The following RALGAPA1 variants were observed in gnomAD, a reference collection of about 807,000 sequenced individuals.
The protein encoded by RALGAPA1 is Ral GTPase activating protein catalytic subunit alpha 1.
A neutral mutation model predicts 269.6 loss-of-function variants in RALGAPA1; 52 were observed. That is an observed-to-expected ratio of 0.19 (90% CI 0.15 to 0.24). The LOEUF (loss-of-function observed/expected upper bound fraction) is 0.24, where lower values mean the gene tolerates loss of function less well. Ranked by LOEUF, RALGAPA1 falls within the 10% of genes least tolerant of loss-of-function variation. RALGAPA1 has a pLI of 1.00. For missense variants in RALGAPA1, 1,917 were observed against 3,013.9 expected, an observed-to-expected ratio of 0.64 and a Z score of 8.52; for synonymous variants, 817 against 1,008.3, an observed-to-expected ratio of 0.81 and a Z score of 3.60.
Position 35,605,719 on chromosome 14 carries a change from A to C in RALGAPA1, c.6930-10T>G, listed in dbSNP as rs1452847626. 1.9e-6 allele frequency: 3 copies of C among 1,603,624 alleles called. No homozygotes were observed. Among genetic ancestry groups the C allele is most frequent in the Non-Finnish European group, 2.5e-6 (3 of 1,177,426 alleles). ...CTTGTGTGTCTCTCGGCTATAAAAC[A>C]AAAGATTACACCATTAATTTAATCA... is the stretch of plus-strand genomic sequence containing the variant. On this transcript the variant is annotated splice_polypyrimidine_tract_variant and intron_variant, in intron 35 of 41. Coordinates refer to ENST00000680220, the MANE Select transcript of RALGAPA1 (RefSeq NM_001346249.2).
intron 12 of RALGAPA1, among the ~76,000 whole-genome samples, chr14:35,733,882 A>G (rs1245633584): frequency 2.0e-5 from 3 of 152,154 alleles, no homozygotes; most frequent in Non-Finnish European, 4.4e-5. Context: ...AACAGGAGAT[A>G]CACCAACAGC....
At chr14:35,641,199 C>T (rs1471539288) in intron 31 of RALGAPA1, among the ~76,000 whole-genome samples, 1 of 152,136 alleles carries the variant, frequency 6.6e-6, no homozygotes, top group Admixed American at 6.6e-5. Context: ...AAGGTGTCCA[C>T]TTCCACCACT....
intron 39 of RALGAPA1, among the ~76,000 whole-genome samples, chr14:35,570,401 A>C (rs1306020477): frequency 6.6e-6 from 1 of 152,144 alleles, no homozygotes; most frequent in Non-Finnish European, 1.5e-5. Context: ...TCACACCTGT[A>C]ATCTCAGCAC....
intron 1 of RALGAPA1, among the ~76,000 whole-genome samples, chr14:35,785,759 A>C (rs890001907): frequency 6.6e-6 from 1 of 152,220 alleles, no homozygotes; most frequent in African/African-American, 2.4e-5. Context: ...AGTACTGTCA[A>C]GCTGAGATGA....
intron 1 of RALGAPA1, among the ~76,000 whole-genome samples, chr14:35,781,479 A>T (rs1297318116): frequency 6.6e-6 from 1 of 152,192 alleles, no homozygotes; most frequent in Admixed American, 6.6e-5. Flanking sequence ...CAATATTCTC[A>T]TATGAAAATC....
intron 35 of RALGAPA1, among the ~76,000 whole-genome samples, chr14:35,607,599 T>G (rs1460109459): frequency 6.6e-6 from 1 of 152,166 alleles, no homozygotes; most frequent in Admixed American, 6.5e-5. Context: ...AGTGCTGACT[T>G]GTAGAGTGAC....
In RALGAPA1 at chr14:35,689,976, C is replaced by T. The variant is rs778927449; in HGVS notation, c.2435G>A (p.Arg812His). Residue 812 changes from arginine to histidine, a missense_variant, in exon 18 of 42, where the codon CGC becomes CAC. Physicochemically the swap from Arg to His is conservative, Grantham distance 29 (BLOSUM62 0). Transcript: ENST00000680220. The part of the protein sequence containing the change: ...SDIDDAQILP[R>H]STRVRHFSQS... Reference sequence around the variant, plus strand: ...TGAAAAATGTCTGACTCTAGTTGAGCGGGGAAGTATTTGAGCATCATCAAT... The same window carrying T: ...TGAAAAATGTCTGACTCTAGTTGAGTGGGGAAGTATTTGAGCATCATCAAT... The T allele has an allele frequency of 6.8e-5, 108 of 1,587,126 alleles. No homozygotes were observed. Among genetic ancestry groups the T allele is most frequent in the Middle Eastern group, 1.7e-4 (1 of 5,956 alleles).
intron 23 of RALGAPA1, 78 bp downstream of exon 23, chr14:35,674,438 C>T (rs1189369610): frequency 2.6e-5 from 36 of 1,378,458 alleles, no homozygotes; most frequent in Non-Finnish European, 3.5e-5. Context: ...AAGGGTGTCA[C>T]AAATGTTTTC....
intron 12 of RALGAPA1, among the ~76,000 whole-genome samples, chr14:35,732,132 A>C (rs770400895): frequency 3.0e-4 from 46 of 152,164 alleles, no homozygotes; most frequent in Non-Finnish European, 2.6e-4. Context: ...TATCCAGCAA[A>C]ACTAAGCATC....
intron 4 of RALGAPA1, chr14:35,766,521 T>A: frequency 8.7e-7 from 1 of 1,155,232 alleles, no homozygotes; most frequent in Non-Finnish European, 1.3e-6. Flanking sequence ...CTACCATCTA[T>A]TGTGCACATC....
chr14:35,653,948 C>G (rs530918594), intron 30 of RALGAPA1, among the ~76,000 whole-genome samples: 1 of 152,148 alleles, frequency 6.6e-6, no homozygotes, highest in East Asian at 1.9e-4. Flanking sequence ...TTTATAAAGA[C>G]GATGACATAA....
At chr14:35,570,507 T>A in intron 39 of RALGAPA1, 110 bp downstream of exon 39, 1 of 885,414 alleles carries the variant, frequency 1.1e-6, no homozygotes, top group Non-Finnish European at 1.6e-6. Flanking sequence ...CAAAAAATAA[T>A]AATTAAAAAA....
At chr14:35,682,587 T>C (rs2065548339) in intron 21 of RALGAPA1, among the ~76,000 whole-genome samples, 1 of 152,200 alleles carries the variant, frequency 6.6e-6, no homozygotes, top group Non-Finnish European at 1.5e-5. Context: ...ATTACAGGTG[T>C]GAGCCACCAT....
At position 35,700,294 on chromosome 14, in the gene RALGAPA1, T is replaced by G; in HGVS notation, c.2275A>C (p.Ser759Arg). ...IVRQKTVAMRSRSIGECALPS... is the reference protein window; with the variant it reads ...IVRQKTVAMRRRSIGECALPS... ...AGAGCACATTCACCAATGGATCGGC[T>G]TCTCATGGCTTTAAAAAAGGAAAAG... The change falls in exon 17 of 42, where the codon AGC (serine) becomes CGC (arginine). Residue 759 changes from serine (S) to arginine (R), a missense_variant. By Grantham distance (110) the Ser-to-Arg change is moderately radical. Around this residue, in one of 11 missense-constraint regions of RALGAPA1, gnomAD observed 125 missense variants for 155.7 expected, o/e 0.80. Coordinates refer to ENST00000680220, the MANE Select transcript of RALGAPA1 (RefSeq NM_001346249.2). 6.6e-7 allele frequency: 1 copy of G among 1,510,414 alleles called. No individual in the cohort carries two copies. Among genetic ancestry groups the G allele is most frequent in the Non-Finnish European group, 8.8e-7 (1 of 1,139,024 alleles). The allele number at this position is 1,510,414 out of a possible 1,614,324, so 93.6% of individuals were successfully genotyped here.
chr14:35,619,290 T>A (rs1025344639), intron 35 of RALGAPA1, among the ~76,000 whole-genome samples: 1 of 152,168 alleles, frequency 6.6e-6, no homozygotes, highest in Admixed American at 6.5e-5. Flanking sequence ...TTCCATGATG[T>A]GATTTATTAC....
chr14:35,802,145 T>C (rs2077023110), intron 1 of RALGAPA1, among the ~76,000 whole-genome samples: 1 of 152,096 alleles, frequency 6.6e-6, no homozygotes, highest in South Asian at 2.1e-4. Context: ...CCGTCTCTAC[T>C]ACAAACACAA....
chr14:35,670,036 A>G (rs1038570929), intron 26 of RALGAPA1, among the ~76,000 whole-genome samples: 2 of 152,238 alleles, frequency 1.3e-5, no homozygotes, highest in South Asian at 4.1e-4. Context: ...TTATACAGCT[A>G]TAAATACCGC....
chr14:35,559,022 T>C (rs2055899628), intron 39 of RALGAPA1, among the ~76,000 whole-genome samples: 1 of 152,182 alleles, frequency 6.6e-6, no homozygotes, highest in Non-Finnish European at 1.5e-5. Flanking sequence ...TCACTTCACA[T>C]ACCTTATGTG....
intron 16 of RALGAPA1, among the ~76,000 whole-genome samples, chr14:35,719,503 C>T (rs2069172567): frequency 6.6e-6 from 1 of 152,096 alleles, no homozygotes; most frequent in Middle Eastern, 3.2e-3. Context: ...AAAGTAATCA[C>T]TATGAGCTAT....
Sources: gnomAD v4.1 joint callset for allele counts (sites outside exome capture counted in the v4.1 genomes callset) on GRCh38, gnomAD v4.1.1 for gene constraint, gnomAD v4.1.1 regional missense constraint, MANE v1.5 for transcripts, NCBI Gene and HGNC (gene_info 2026-07-23, HGNC 2026-07-21) for gene names.